Variants in CSF2RA observed in about 807,000 individuals in gnomAD.
The protein encoded by CSF2RA is colony stimulating factor 2 receptor subunit alpha.
Under a neutral mutation model 51.6 loss-of-function variants are expected in CSF2RA, and 42 were observed. The observed-to-expected ratio is 0.81, with a 90% confidence interval of 0.64 to 1.05. CSF2RA has a LOEUF of 1.05. Among genes scored for constraint, CSF2RA ranks in the 50% least tolerant of loss-of-function variants. The pLI, the probability that CSF2RA is intolerant of heterozygous loss-of-function variation, is 0.00. For synonymous variants in CSF2RA, 222 were observed against 193.0 expected (o/e 1.15, Z -1.24); for missense variants, 530 against 501.1 (o/e 1.06, Z -0.55).
At chrX:1,320,664 A>ATTTTTTTT in the CSF2RA span, among the ~76,000 whole-genome samples, 33 of 123,358 alleles carry the variant, frequency 2.7e-4, no homozygotes, top group Non-Finnish European at 3.9e-4. Context: ...TGCCCAGCTA[A>ATTTTTTTT]TTTTTTTTTT....
chrX:1,295,683 T>G lies in CSF2RA; in HGVS notation c.810+227T>G, dbSNP rs1285676969. 1.4e-5 allele frequency: 8 copies of G among 567,426 alleles called. No individual in the cohort carries two copies. The Admixed American group carries it at 2.0e-4, about 14-fold the overall frequency. 35.1% of individuals were successfully genotyped at this position (567,426 alleles called of 1,614,324 possible). On this transcript the variant is annotated intron_variant, in intron 9 of 12. Transcript: ENST00000381529. ...CTACTGACGACCTCCAGCGTAACCC[T>G]ACAGTCCCCTACTCACCACACCTAG...
the CSF2RA span, among the ~76,000 whole-genome samples, chrX:1,318,597 G>C: frequency 6.6e-6 from 1 of 151,868 alleles, no homozygotes; most frequent in Admixed American, 6.6e-5. Context: ...AAAGACTTTG[G>C]AGAGGTTTGC....
At chrX:1,272,450 T>G (rs1259567028) in intron 1 of CSF2RA, among the ~76,000 whole-genome samples, 1 of 148,446 alleles carries the variant, frequency 6.7e-6, no homozygotes, top group African/African-American at 2.5e-5. Context: ...TAATTTCTAC[T>G]GCGGACTGAA....
At chrX:1,323,181 A>G in the CSF2RA span, among the ~76,000 whole-genome samples, 1 of 151,774 alleles carries the variant, frequency 6.6e-6, no homozygotes, top group Non-Finnish European at 1.5e-5. Flanking sequence ...AAAATAAAAT[A>G]AAATATAAAA....
chrX:1,301,595 C>CTTTTTTTTT (rs777108928), intron 10 of CSF2RA, among the ~76,000 whole-genome samples: 2 of 105,800 alleles, frequency 1.9e-5, no homozygotes, highest in Non-Finnish European at 3.8e-5. Flanking sequence ...CTCTTTTTTT[C>CTTTTTTTTT]TTTTTTTTTT....
chrX:1,275,956 G>A (rs1346681300), intron 2 of CSF2RA, among the ~76,000 whole-genome samples: 2 of 151,888 alleles, frequency 1.3e-5, no homozygotes, highest in South Asian at 2.1e-4. Context: ...GCCTCCCAAA[G>A]TGCTGGGATT....
intron 10 of CSF2RA, among the ~76,000 whole-genome samples, chrX:1,302,508 T>C (rs1174356701): frequency 6.6e-6 from 1 of 152,022 alleles, no homozygotes; most frequent in African/African-American, 2.4e-5. Flanking sequence ...TTTGTTTATT[T>C]ATTTTTTGTT....
intron 7 of CSF2RA, among the ~76,000 whole-genome samples, chrX:1,293,462 T>A (rs190883424): frequency 3.3e-5 from 5 of 152,010 alleles, no homozygotes; most frequent in East Asian, 1.9e-4. Context: ...CTCGTGATCC[T>A]CCCGCCTCGG....
the CSF2RA span, among the ~76,000 whole-genome samples, chrX:1,315,800 TAGATAGATAGA>T: frequency 0.24 from 36,035 of 147,992 alleles, 4,901 homozygotes; most frequent in Middle Eastern, 0.34. Context: ...GATAGATAGA[TAGATAGATAGA>T]TAGATAGATT....
At chrX:1,314,534 C>T (rs776885113), downstream of CSF2RA, among the ~76,000 whole-genome samples, 1,336 of 106,624 alleles carry the variant, frequency 0.013, 97 homozygotes, top group Non-Finnish European at 0.018. Flanking sequence ...AATCCCACTG[C>T]ACCTGCCCAA....
At chrX:1,324,773 G>A in the CSF2RA span, among the ~76,000 whole-genome samples, 4 of 152,046 alleles carry the variant, frequency 2.6e-5, no homozygotes, top group African/African-American at 7.2e-5. Flanking sequence ...AGATGTGGAC[G>A]CACGCAGGGA....
chrX:1,315,490 G>A, the CSF2RA span, among the ~76,000 whole-genome samples: 10 of 151,978 alleles, frequency 6.6e-5, no homozygotes, highest in African/African-American at 2.2e-4. Flanking sequence ...TACAACCTCC[G>A]CCTCCCAGGT....
At chrX:1,279,249 C>G (rs568167118) in intron 2 of CSF2RA, among the ~76,000 whole-genome samples, 2 of 151,360 alleles carry the variant, frequency 1.3e-5, no homozygotes, top group South Asian at 4.2e-4. Flanking sequence ...TACTCGGAGG[C>G]TGAGGCAGTA....
At chrX:1,306,667 A>G (rs1455479879) in intron 12 of CSF2RA, among the ~76,000 whole-genome samples, 7 of 151,920 alleles carry the variant, frequency 4.6e-5, no homozygotes, top group Non-Finnish European at 1.0e-4. Context: ...CAAAACAAAA[A>G]AATCATCCCC....
chrX:1,313,742 A>C (rs1181532524), downstream of CSF2RA, among the ~76,000 whole-genome samples: 2 of 151,854 alleles, frequency 1.3e-5, no homozygotes, highest in African/African-American at 4.8e-5. Context: ...TAATCCCAGC[A>C]CTTTGGGAGG....
At position 1,285,832 on chromosome X, in the gene CSF2RA, C is replaced by T. The variant is rs746211899; in HGVS notation, c.131C>T (p.Thr44Met). The T allele has an allele frequency of 5.9e-5, 95 of 1,613,366 alleles. No individual in the cohort carries two copies. Among genetic ancestry groups the T allele is most frequent in the East Asian group, 2.2e-4 (10 of 44,864 alleles). The part of the protein sequence containing the change: ...SSLNVRFDSR[T>M]MNLSWDCQEN... Reference sequence around the variant, plus strand: ...CTCAATGTGAGGTTTGACTCCAGGACGATGAATTTAAGCTGGGACTGCCAA... The same window carrying T: ...CTCAATGTGAGGTTTGACTCCAGGATGATGAATTTAAGCTGGGACTGCCAA... Residue 44 changes from threonine (T) to methionine (M), a missense_variant, in exon 4 of 13, where the codon ACG (threonine) becomes ATG (methionine). Thr to Met is a moderately conservative substitution (Grantham distance 81). Coordinates refer to ENST00000381529, the MANE Select transcript of CSF2RA (RefSeq NM_172245.4).
At chrX:1,290,204 TTTGTG>T in intron 6 of CSF2RA, 128 bp from the exon 7 acceptor site, 6 of 742,836 alleles carry the variant, frequency 8.1e-6, no homozygotes, top group Non-Finnish European at 9.0e-6. Context: ...TTTTTTTTGT[TTTGTG>T]TTTTTGTTTT....
intron 9 of CSF2RA, chrX:1,300,194 G>A (rs1284907143): frequency 3.3e-6 from 1 of 303,476 alleles, no homozygotes; most frequent in East Asian, 7.8e-5. Context: ...ACTGCAGCCT[G>A]GGTGACAGAG....
chrX:1,315,434 C>T, the CSF2RA span, among the ~76,000 whole-genome samples: 1 of 152,080 alleles, frequency 6.6e-6, no homozygotes, highest in Non-Finnish European at 1.5e-5. Context: ...GACAGAGTCT[C>T]ATTCTGTCAC....
Sources: allele counts gnomAD v4.1 joint callset (sites outside exome capture counted in the v4.1 genomes callset), GRCh38; gene constraint gnomAD v4.1.1; transcripts MANE v1.5; gene names NCBI Gene and HGNC (gene_info 2026-07-23, HGNC 2026-07-21).